GLI2: variants seen among roughly 807,000 people sequenced by gnomAD.
GLI2 encodes the protein transcription activator GLI2.
A neutral mutation model predicts 78.9 loss-of-function variants in GLI2; 22 were observed. That is an observed-to-expected ratio of 0.28 (90% CI 0.20 to 0.40). GLI2 has a LOEUF of 0.40. Ranked by LOEUF, GLI2 falls within the 10% of genes least tolerant of loss-of-function variation. The probability of loss-of-function intolerance (pLI) is 1.00; values close to 1 mark genes in which losing one functional copy is unlikely to be tolerated. For synonymous variants in GLI2, 974 were observed against 963.7 expected, an observed-to-expected ratio of 1.01 and a Z score of -0.20; for missense variants, 2,097 against 2,213.2, an observed-to-expected ratio of 0.95 and a Z score of 1.05.
At chr2:120,875,575 C>A (rs114195032) in intron 2 of GLI2, among the ~76,000 whole-genome samples, 1 of 152,230 alleles carries the variant, frequency 6.6e-6, no homozygotes, top group Non-Finnish European at 1.5e-5. Context: ...GCGGTGCTAA[C>A]AGCTGCTGCT....
chr2:120,982,891 GGGGCATGCACT>G lies in GLI2; in HGVS notation c.1632+22_1632+32del, dbSNP rs752601850. The G allele has an allele frequency of 3.7e-6, 6 of 1,613,092 alleles. No individual in the cohort carries two copies. In the African/African-American group the frequency reaches 8.0e-5, roughly 22 times the overall value. On this transcript the variant is annotated intron_variant, in intron 11 of 13. Coordinates refer to ENST00000361492, the MANE Select transcript of GLI2 (RefSeq NM_001374353.1). The stretch of plus-strand genomic sequence containing the variant: ...ACCCACTCCAACGAGGTACCTCTGC[GGGGCATGCACT>G]GGGCATGCACACTGGGGCCCCACTG...
In GLI2 at chr2:120,978,420, T is replaced by C. The variant is rs1230774049; in HGVS notation, c.1318-14T>C. The C allele has an allele frequency of 1.9e-6, 3 of 1,614,058 alleles. No individual in the cohort carries two copies. Among genetic ancestry groups the C allele is most frequent in the Admixed American group, 1.7e-5 (1 of 60,032 alleles). Reference sequence around the variant, plus strand: ...GGCCCTGCTTACCCTCTTCTGGGCATGTCCCTCCGGCAGCACATCAACAAC... The same window carrying C: ...GGCCCTGCTTACCCTCTTCTGGGCACGTCCCTCCGGCAGCACATCAACAAC... On this transcript the variant is annotated splice_polypyrimidine_tract_variant and intron_variant, in intron 9 of 13. Coordinates refer to ENST00000361492, the MANE Select transcript of GLI2 (RefSeq NM_001374353.1).
chr2:120,797,840 G>A (rs573280983), intron 2 of GLI2, among the ~76,000 whole-genome samples: 24 of 152,308 alleles, frequency 1.6e-4, no homozygotes, highest in South Asian at 1.4e-3. Context: ...CCTCTTGCCC[G>A]CCAAGGACTG....
At chr2:120,955,156 T>G in intron 4 of GLI2, 89 bp from the exon 5 acceptor site, 4 of 192,610 alleles carry the variant, frequency 2.1e-5, no homozygotes, top group Non-Finnish European at 2.6e-5. Flanking sequence ...TCTCTGCCTT[T>G]TTTTTTTTTT....
At chr2:120,798,646 G>A (rs1684531352) in intron 2 of GLI2, among the ~76,000 whole-genome samples, 1 of 152,210 alleles carries the variant, frequency 6.6e-6, no homozygotes, top group Admixed American at 6.5e-5. Flanking sequence ...GCTGGACGAT[G>A]CCTCTCCACC....
intron 5 of GLI2, among the ~76,000 whole-genome samples, chr2:120,963,319 C>T (rs1490871120): frequency 1.3e-5 from 2 of 152,244 alleles, no homozygotes; most frequent in South Asian, 2.1e-4. Flanking sequence ...AGCCACACTG[C>T]CCTGATTGTA....
At chr2:120,899,649 C>T (rs78987828) in intron 2 of GLI2, among the ~76,000 whole-genome samples, 62 of 152,312 alleles carry the variant, frequency 4.1e-4, no homozygotes, top group Non-Finnish European at 6.9e-4. Context: ...CCCTGTTCAG[C>T]CCTGTCTGGG....
rs1452755744 is a variant in GLI2 at position 120,991,290 on chromosome 2, C to T, written c.*615C>T. 2 of 152,522 alleles carry T rather than the reference C, an allele frequency of 1.3e-5. No homozygotes were observed. The highest frequency in any genetic ancestry group is 4.8e-5 in the African/African-American group (2 of 41,420). The allele number at this position is 152,522 out of a possible 1,614,324, so 9.4% of individuals were successfully genotyped here. ...AGCTGGCTCTTCTACTCCGTAAAGC[C>T]GAGTCTGGGACTGGCAGCCCATCCA... On this transcript the variant is annotated 3_prime_UTR_variant, in exon 14 of 14. Coordinates refer to ENST00000361492, the MANE Select transcript of GLI2 (RefSeq NM_001374353.1).
chr2:120,939,709 G>T (rs1680364015), intron 3 of GLI2, among the ~76,000 whole-genome samples: 1 of 152,144 alleles, frequency 6.6e-6, no homozygotes, highest in Non-Finnish European at 1.5e-5. Flanking sequence ...TTGCTAATTT[G>T]AACATGACTG....
At chr2:120,751,826 T>C (rs969436800) in intron 1 of GLI2, among the ~76,000 whole-genome samples, 1 of 152,238 alleles carries the variant, frequency 6.6e-6, no homozygotes, top group Non-Finnish European at 1.5e-5. Flanking sequence ...ACCACATTCT[T>C]TGAATACATT....
rs369037360 is a variant in GLI2 at position 120,885,812 on chromosome 2, C to T, written c.149-41549C>T. Among the ~76,000 whole-genome samples, 5 of 152,272 alleles carry T rather than the reference C, an allele frequency of 3.3e-5. No individual in the cohort carries two copies. In the East Asian group the frequency reaches 7.7e-4, roughly 24 times the overall value. On this transcript the variant is annotated intron_variant, in intron 2 of 13. Coordinates refer to ENST00000361492, the MANE Select transcript of GLI2 (RefSeq NM_001374353.1). ...GGGAGAATCTGCTAGCACCAAACTC[C>T]CCTCTACCTGGTCATGTGTGGGAGC...
chr2:120,789,152 C>T (rs1398018645), intron 1 of GLI2, among the ~76,000 whole-genome samples: 1 of 151,766 alleles, frequency 6.6e-6, no homozygotes, highest in Non-Finnish European at 1.5e-5. Context: ...CTGCCTCAGC[C>T]TCCTCAGTAG....
At chr2:120,906,553 T>G (rs1236525653) in intron 2 of GLI2, among the ~76,000 whole-genome samples, 1 of 152,044 alleles carries the variant, frequency 6.6e-6, no homozygotes, top group African/African-American at 2.4e-5. Flanking sequence ...ACACTGGCCG[T>G]GTACAATCTC....
chr2:120,866,069 C>A (rs1199161616), intron 2 of GLI2, among the ~76,000 whole-genome samples: 3 of 152,260 alleles, frequency 2.0e-5, no homozygotes, highest in Non-Finnish European at 2.9e-5. Context: ...AAGGCCCATG[C>A]AGGCCTGAGC....
intron 2 of GLI2, among the ~76,000 whole-genome samples, chr2:120,894,220 C>T (rs533763123): frequency 4.6e-5 from 7 of 152,308 alleles, no homozygotes; most frequent in Admixed American, 2.0e-4. Context: ...AGCAATTGTC[C>T]GTCTCTCAGA....
In GLI2 at chr2:120,988,548, G is replaced by A. The variant is rs1310241737; in HGVS notation, c.2583G>A (p.Leu861=). ...GCCAGTGCAGCGGCGGCTCCGGGCT[G>A]CTCAACCTCACGCCGGCGCAGCAGT... ...EASQCSGGSG[L]LNLTPAQQYS... Residue 861 remains leucine, a synonymous_variant, in exon 14 of 14, where the codon CTG becomes CTA. Coordinates refer to ENST00000361492, the MANE Select transcript of GLI2 (RefSeq NM_001374353.1). 4 of 1,503,132 alleles carry A rather than the reference G, an allele frequency of 2.7e-6. No homozygotes were observed. The highest frequency in any genetic ancestry group is 3.5e-6 in the Non-Finnish European group (4 of 1,133,084). 93.1% of individuals were successfully genotyped at this position (1,503,132 alleles called of 1,614,324 possible).
intron 3 of GLI2, among the ~76,000 whole-genome samples, chr2:120,932,685 A>G (rs948025954): frequency 1.3e-5 from 2 of 152,260 alleles, no homozygotes; most frequent in African/African-American, 4.8e-5. Flanking sequence ...AGAAGGAGAC[A>G]GGGTAATGTG....
chr2:120,795,375 T>C (rs1452612387), intron 1 of GLI2, among the ~76,000 whole-genome samples: 1 of 151,016 alleles, frequency 6.6e-6, no homozygotes, highest in Non-Finnish European at 1.5e-5. Flanking sequence ...ATACAAAAAT[T>C]AGCCGAGTGT....
At chr2:120,739,386 C>T (rs760885021) in intron 1 of GLI2, among the ~76,000 whole-genome samples, 1 of 152,160 alleles carries the variant, frequency 6.6e-6, no homozygotes, top group Non-Finnish European at 1.5e-5. Flanking sequence ...TTGTGTGACC[C>T]CCTCACACCC....
Sources: gnomAD v4.1 joint callset for allele counts (sites outside exome capture counted in the v4.1 genomes callset) on GRCh38, gnomAD v4.1.1 for gene constraint, MANE v1.5 for transcripts, NCBI Gene and HGNC (gene_info 2026-07-23, HGNC 2026-07-21) for gene names.